MAP2K4: variants seen among roughly 807,000 people sequenced by gnomAD.
MAP2K4 encodes dual specificity mitogen-activated protein kinase kinase 4.
MAP2K4 carries 4 observed loss-of-function variants against 48.5 expected under a neutral mutation model. The observed-to-expected ratio is 0.08, with a 90% CI of 0.04 to 0.19. The LOEUF (loss-of-function observed/expected upper bound fraction) is 0.19. MAP2K4 is among the 10% of genes least tolerant of loss of function. MAP2K4 has a pLI of 1.00. For missense variants in MAP2K4, 258 were observed against 493.3 expected, an observed-to-expected ratio of 0.52 and a Z score of 4.52; for synonymous variants, 166 against 173.1, an observed-to-expected ratio of 0.96 and a Z score of 0.32.
intron 7 of MAP2K4, among the ~76,000 whole-genome samples, chr17:12,119,846 C>T (rs779750055): frequency 1.8e-4 from 28 of 152,212 alleles, no homozygotes; most frequent in Admixed American, 1.1e-3. Context: ...TTTGTGGGAA[C>T]ATGGATGGAG....
intron 4 of MAP2K4, among the ~76,000 whole-genome samples, chr17:12,098,208 G>A (rs1449495079): frequency 1.3e-5 from 2 of 152,074 alleles, no homozygotes. Context: ...GGCCGGGCAC[G>A]GTGGCTCAAG....
chr17:12,096,522 A>G (rs903742072), intron 4 of MAP2K4, among the ~76,000 whole-genome samples: 25 of 152,154 alleles, frequency 1.6e-4, no homozygotes, highest in African/African-American at 6.0e-4. Flanking sequence ...CTTGAACTGA[A>G]CTGCTAAGCA....
At chr17:12,109,345 T>TAG (rs1245558508) in intron 5 of MAP2K4, among the ~76,000 whole-genome samples, 1 of 152,164 alleles carries the variant, frequency 6.6e-6, no homozygotes, top group Non-Finnish European at 1.5e-5. Context: ...GTGATCACTT[T>TAG]ATATATATTA....
chr17:12,081,208 A>G lies in MAP2K4; in HGVS notation c.219-148A>G, dbSNP rs911189728. On this transcript the variant is annotated intron_variant, in intron 2 of 10. Transcript: ENST00000353533. The surrounding 1 kb of genome is among the most constrained non-coding windows in gnomAD (Gnocchi z 4.2). Reference sequence around the variant, plus strand: ...TTAATCCAGTGTGTAAAAAACCAGGATGACACAAATGAAAAACTTCAAAAA... The same window carrying G: ...TTAATCCAGTGTGTAAAAAACCAGGGTGACACAAATGAAAAACTTCAAAAA... 3.6e-6 allele frequency: 2 copies of G among 560,084 alleles called. No homozygotes were observed. The highest frequency in any genetic ancestry group is 1.9e-5 in the African/African-American group (1 of 52,504). 34.7% of individuals were successfully genotyped at this position (560,084 alleles called of 1,614,324 possible).
At chr17:12,079,108 A>G (rs1971106498) in intron 2 of MAP2K4, among the ~76,000 whole-genome samples, 1 of 151,984 alleles carries the variant, frequency 6.6e-6, no homozygotes, top group Admixed American at 6.6e-5. Context: ...CTGCAGTTAC[A>G]CATTTAAAGT....
chr17:12,099,822 A>T (rs1311642738), intron 4 of MAP2K4, among the ~76,000 whole-genome samples: 1 of 152,194 alleles, frequency 6.6e-6, no homozygotes, highest in African/African-American at 2.4e-5. Context: ...AAATTTTTCT[A>T]ATACATAAAA....
chr17:12,076,861 G>T (rs1169341227), intron 2 of MAP2K4, among the ~76,000 whole-genome samples: 2 of 152,058 alleles, frequency 1.3e-5, no homozygotes, highest in African/African-American at 2.4e-5. Context: ...TGTATTTTGT[G>T]TGTGTGTGTG....
chr17:12,122,501 A>G (rs1013796946), intron 7 of MAP2K4, among the ~76,000 whole-genome samples: 5 of 152,196 alleles, frequency 3.3e-5, no homozygotes, highest in Admixed American at 2.0e-4. Context: ...ATATTTTGCT[A>G]TTATTATATA....
intron 2 of MAP2K4, among the ~76,000 whole-genome samples, chr17:12,058,902 G>A (rs1970366435): frequency 6.6e-6 from 1 of 152,108 alleles, no homozygotes; most frequent in African/African-American, 2.4e-5. Context: ...GCAGTTAGCT[G>A]ATCAGTCTTT....
At chr17:12,131,988 C>T (rs1973042172) in intron 9 of MAP2K4, among the ~76,000 whole-genome samples, 1 of 152,176 alleles carries the variant, frequency 6.6e-6, no homozygotes, top group Admixed American at 6.5e-5. Flanking sequence ...TGCATTCATT[C>T]TGCATTATTA....
At position 12,029,669 on chromosome 17, in the gene MAP2K4, TG is replaced by T. The variant is rs1401712661; in HGVS notation, c.115+8670del. On this transcript the variant is annotated intron_variant, in intron 1 of 10. Coordinates refer to ENST00000353533, the MANE Select transcript of MAP2K4 (RefSeq NM_003010.4). Reference sequence around the variant, plus strand: ...AATTGAACATATTGGCCAGGTGAGATGGCTCATGCCTATAATCCCATAACTT... The same window carrying T: ...AATTGAACATATTGGCCAGGTGAGATGCTCATGCCTATAATCCCATAACTT... Among the ~76,000 whole-genome samples, 186 of 152,218 alleles carry T rather than the reference TG, an allele frequency of 1.2e-3. 1 individual carries two copies. The highest frequency in any genetic ancestry group is 4.4e-3 in the African/African-American group (182 of 41,552).
At chr17:12,053,939 T>C (rs1219024116) in intron 1 of MAP2K4, among the ~76,000 whole-genome samples, 1 of 152,140 alleles carries the variant, frequency 6.6e-6, no homozygotes, top group East Asian at 1.9e-4. Context: ...GAGAGTGAGT[T>C]CAGGAAAAAG....
chr17:12,129,208 G>A lies in MAP2K4; in HGVS notation c.961G>A (p.Val321Met), dbSNP rs1396947681. 5.0e-6 allele frequency: 8 copies of A among 1,614,086 alleles called. No homozygotes were observed. Among genetic ancestry groups the A allele is most frequent in the Non-Finnish European group, 5.9e-6 (7 of 1,180,020 alleles). Residue 321 changes from valine to methionine, a missense_variant, in exon 9 of 11, where the codon GTG (valine) becomes ATG (methionine). By Grantham distance (21) the Val-to-Met change is conservative (BLOSUM62 1). Around this residue, in one of 3 missense-constraint regions of MAP2K4, gnomAD observed 132 missense variants for 352.8 expected, o/e 0.37. Coordinates refer to ENST00000353533, the MANE Select transcript of MAP2K4 (RefSeq NM_003010.4). ...TGTATTTGATCAACTAACACAAGTC[G>A]TGAAAGGAGATCCTCCGCAGCTGAG... ...NSVFDQLTQV[V>M]KGDPPQLSNS...
intron 2 of MAP2K4, among the ~76,000 whole-genome samples, chr17:12,066,643 C>T (rs1300163205): frequency 6.6e-6 from 1 of 152,202 alleles, no homozygotes; most frequent in Non-Finnish European, 1.5e-5. Context: ...GATTCTTGTG[C>T]CTCAGCCTCC....
chr17:12,104,843 C>G (rs1472477229), intron 4 of MAP2K4, among the ~76,000 whole-genome samples: 1 of 151,904 alleles, frequency 6.6e-6, no homozygotes, highest in Non-Finnish European at 1.5e-5. Flanking sequence ...ATGGAGAACT[C>G]TTAGAAAAAA....
intron 8 of MAP2K4, among the ~76,000 whole-genome samples, chr17:12,127,304 A>G (rs1338272906): frequency 2.0e-5 from 3 of 152,230 alleles, no homozygotes; most frequent in Non-Finnish European, 4.4e-5. Context: ...GATCTCGGGC[A>G]TCTTTTAGGT....
intron 7 of MAP2K4, among the ~76,000 whole-genome samples, chr17:12,119,937 C>G (rs576989654): frequency 6.6e-6 from 1 of 152,284 alleles, no homozygotes; most frequent in Non-Finnish European, 1.5e-5. Context: ...CACATGTTCT[C>G]TTAAGTGGGA....
At chr17:12,078,924 C>G (rs924872049) in intron 2 of MAP2K4, among the ~76,000 whole-genome samples, 1 of 152,132 alleles carries the variant, frequency 6.6e-6, no homozygotes, top group Admixed American at 6.6e-5. Context: ...CTGGAAAGAT[C>G]GCTAGCCCAG....
At chr17:12,098,779 A>C (rs1277299708) in intron 4 of MAP2K4, among the ~76,000 whole-genome samples, 5 of 152,020 alleles carry the variant, frequency 3.3e-5, no homozygotes, top group African/African-American at 9.7e-5. Flanking sequence ...CAGGGATTTC[A>C]TTTCACCTAA....
Sources: allele counts gnomAD v4.1 joint callset (sites outside exome capture counted in the v4.1 genomes callset), GRCh38; gene constraint gnomAD v4.1.1; regional missense constraint gnomAD v4.1.1; non-coding constraint Gnocchi (gnomAD v3.1); transcripts MANE v1.5; gene names NCBI Gene and HGNC (gene_info 2026-07-23, HGNC 2026-07-21).